KCNQ3: variants seen among roughly 807,000 people sequenced by gnomAD.
KCNQ3 encodes the protein potassium voltage-gated channel subfamily KQT member 3.
A neutral mutation model predicts 92.5 loss-of-function variants in KCNQ3; 30 were observed. That is an observed-to-expected ratio of 0.32 (90% CI 0.24 to 0.44). The LOEUF is 0.44. Among genes scored for constraint, KCNQ3 ranks in the 20% least tolerant of loss-of-function variants. The probability of loss-of-function intolerance (pLI) is 1.00; values close to 1 mark genes in which losing one functional copy is unlikely to be tolerated. For missense variants in KCNQ3, 913 were observed against 1,140.3 expected (o/e 0.80, Z 2.87); for synonymous variants, 450 against 468.8 (o/e 0.96, Z 0.52).
At chr8:132,268,326 G>T (rs562007705) in intron 1 of KCNQ3, among the ~76,000 whole-genome samples, 1 of 152,108 alleles carries the variant, frequency 6.6e-6, no homozygotes, top group Admixed American at 6.5e-5. Context: ...ACCCAGCAGC[G>T]CGATCTTGGC....
chr8:132,238,450 G>C (rs983676947), intron 1 of KCNQ3, among the ~76,000 whole-genome samples: 2 of 152,088 alleles, frequency 1.3e-5, no homozygotes, highest in African/African-American at 4.8e-5. Context: ...AAGAGAGCAG[G>C]CTCCTGACCT....
chr8:132,238,192 G>A (rs1335113052), intron 1 of KCNQ3, among the ~76,000 whole-genome samples: 4 of 152,106 alleles, frequency 2.6e-5, no homozygotes, highest in South Asian at 2.1e-4. Flanking sequence ...CAGACTCGGC[G>A]GAGGGGGTAT....
At chr8:132,458,083 C>T (rs926074826) in intron 1 of KCNQ3, among the ~76,000 whole-genome samples, 1 of 152,144 alleles carries the variant, frequency 6.6e-6, no homozygotes, top group Non-Finnish European at 1.5e-5. Flanking sequence ...TGTCAGAGTC[C>T]AGGCATCCTG....
At chr8:132,473,271 T>TA (rs34679606) in intron 1 of KCNQ3, among the ~76,000 whole-genome samples, 27,396 of 152,030 alleles carry the variant, frequency 0.18, 2,978 homozygotes, top group East Asian at 0.4. Context: ...ATGAGCTAAA[T>TA]AGAGTCAGGG....
intron 1 of KCNQ3, among the ~76,000 whole-genome samples, chr8:132,395,317 A>AGATG (rs1820165275): frequency 6.6e-6 from 1 of 152,196 alleles, no homozygotes; most frequent in African/African-American, 2.4e-5. Context: ...TCATATTGTT[A>AGATG]ACTATGGTCA....
chr8:132,365,978 C>G (rs1459360059), intron 1 of KCNQ3, among the ~76,000 whole-genome samples: 2 of 152,092 alleles, frequency 1.3e-5, no homozygotes. Context: ...TTACAGTGAG[C>G]CAAAATGGCA....
chr8:132,464,051 G>A (rs1303846981), intron 1 of KCNQ3, among the ~76,000 whole-genome samples: 1 of 152,174 alleles, frequency 6.6e-6, no homozygotes, highest in African/African-American at 2.4e-5. Flanking sequence ...TGGGTGTGGT[G>A]GCGGGCGCCT....
intron 1 of KCNQ3, among the ~76,000 whole-genome samples, chr8:132,296,978 A>G (rs1281306201): frequency 2.6e-5 from 4 of 152,192 alleles, no homozygotes; most frequent in East Asian, 1.9e-4. Flanking sequence ...GACTTCCACA[A>G]TGGTTGAACT....
intron 1 of KCNQ3, among the ~76,000 whole-genome samples, chr8:132,392,860 T>C (rs1218512426): frequency 6.7e-6 from 1 of 148,468 alleles, no homozygotes; most frequent in Non-Finnish European, 1.5e-5. Context: ...GCTCTTACCA[T>C]ATCATATTTT....
chr8:132,437,986 A>G (rs1268952473), intron 1 of KCNQ3, among the ~76,000 whole-genome samples: 1 of 152,228 alleles, frequency 6.6e-6, no homozygotes, highest in Non-Finnish European at 1.5e-5. Flanking sequence ...ACAAGTGTCT[A>G]AAACTAGCAC....
At chr8:132,301,113 C>A (rs1196927082) in intron 1 of KCNQ3, among the ~76,000 whole-genome samples, 3 of 152,166 alleles carry the variant, frequency 2.0e-5, no homozygotes, top group African/African-American at 7.2e-5. Context: ...TCACTCTTCC[C>A]TTGCCTTAGG....
chr8:132,416,394 G>C (rs1820808625), intron 1 of KCNQ3, among the ~76,000 whole-genome samples: 1 of 152,138 alleles, frequency 6.6e-6, no homozygotes, highest in Admixed American at 6.5e-5. Flanking sequence ...TTGGGAGGCT[G>C]AGGCGGGTGG....
chr8:132,360,544 C>G (rs1411361738), intron 1 of KCNQ3, among the ~76,000 whole-genome samples: 1 of 152,160 alleles, frequency 6.6e-6, no homozygotes, highest in Non-Finnish European at 1.5e-5. Flanking sequence ...CACTTTCAAC[C>G]TCCCAGAGGC....
At chr8:132,202,986 T>A (rs867999127) in intron 1 of KCNQ3, among the ~76,000 whole-genome samples, 8 of 152,244 alleles carry the variant, frequency 5.3e-5, no homozygotes, top group Middle Eastern at 6.8e-3. Context: ...TTAAAAAAAA[T>A]TGTTTCTCAG....
At position 132,180,332 on chromosome 8, in the gene KCNQ3, G is replaced by A. The variant is rs1182458253; in HGVS notation, c.605-3C>T. The stretch of plus-strand genomic sequence containing the variant: ...AGAGGCAATCAGCACAAAGATGTCT[G>A]GGAGAGAGGACAGACAGAGTGGGAG... On this transcript the variant is annotated splice_region_variant and splice_polypyrimidine_tract_variant and intron_variant, in intron 3 of 14. Coordinates refer to ENST00000388996, the MANE Select transcript of KCNQ3 (RefSeq NM_004519.4). 5 of 1,613,882 alleles carry A rather than the reference G, an allele frequency of 3.1e-6. No individual in the cohort carries two copies. The Admixed American group carries it at 5.0e-5, about 16-fold the overall frequency.
At chr8:132,409,701 C>T (rs1351301694) in intron 1 of KCNQ3, among the ~76,000 whole-genome samples, 1 of 152,150 alleles carries the variant, frequency 6.6e-6, no homozygotes, top group Non-Finnish European at 1.5e-5. Context: ...CCTGGATTTC[C>T]TTGCCAGCTA....
chr8:132,149,549 A>G (rs933118750), intron 9 of KCNQ3, among the ~76,000 whole-genome samples: 3 of 152,188 alleles, frequency 2.0e-5, no homozygotes, highest in Non-Finnish European at 2.9e-5. Flanking sequence ...TGGGGACCCA[A>G]AACCTTTAAC....
rs550620132 is a variant in KCNQ3 at position 132,126,532 on chromosome 8, T to C, written c.*2730A>G. The C allele has an allele frequency of 2.0e-5, 3 of 152,306 alleles. No homozygotes were observed. The highest frequency in any genetic ancestry group is 3.9e-4 in the East Asian group (2 of 5,184). The allele number at this position is 152,306 out of a possible 1,614,324, so 9.4% of individuals were successfully genotyped here. A position where few individuals can be genotyped will look rare whatever the true frequency, so the allele number is the denominator to read the frequency against. ...CATTTTTCTCTTTTCCTTTTTGTTTTCTTAAATGGGAAAAAAACAGCTCTT... is the reference window on the plus strand; with the variant it reads ...CATTTTTCTCTTTTCCTTTTTGTTTCCTTAAATGGGAAAAAAACAGCTCTT... On this transcript the variant is annotated 3_prime_UTR_variant, in exon 15 of 15. Coordinates refer to ENST00000388996, the MANE Select transcript of KCNQ3 (RefSeq NM_004519.4).
At chr8:132,355,022 C>T (rs1474746749) in intron 1 of KCNQ3, among the ~76,000 whole-genome samples, 1 of 152,162 alleles carries the variant, frequency 6.6e-6, no homozygotes, top group Non-Finnish European at 1.5e-5. Context: ...AGGACCAGTT[C>T]TATAACAGTC....
Sources: gnomAD v4.1 joint callset for allele counts (sites outside exome capture counted in the v4.1 genomes callset) on GRCh38, gnomAD v4.1.1 for gene constraint, MANE v1.5 for transcripts, NCBI Gene and HGNC (gene_info 2026-07-23, HGNC 2026-07-21) for gene names.